The following PPP1R12B variants were observed in gnomAD, a reference collection of about 807,000 sequenced individuals.
The protein encoded by PPP1R12B is protein phosphatase 1 regulatory subunit 12B.
A neutral mutation model predicts 126.1 loss-of-function variants in PPP1R12B; 76 were observed. The ratio of observed to expected loss-of-function variants is 0.60; its 90% CI spans 0.50 to 0.73. PPP1R12B has a LOEUF of 0.73. PPP1R12B is among the 30% of genes least tolerant of loss of function. PPP1R12B has a pLI of 0.00. For synonymous variants in PPP1R12B, 356 were observed against 434.7 expected (o/e 0.82, Z 2.25); for missense variants, 1,052 against 1,205.1 (o/e 0.87, Z 1.88).
intron 1 of PPP1R12B, among the ~76,000 whole-genome samples, chr1:202,413,591 T>C (rs1571896436): frequency 6.6e-6 from 1 of 152,192 alleles, no homozygotes; most frequent in East Asian, 1.9e-4. Flanking sequence ...ACCAGGACTT[T>C]GTTTGTATTG....
chr1:202,381,406 G>GTT (rs796804138), intron 1 of PPP1R12B, among the ~76,000 whole-genome samples: 3 of 136,478 alleles, frequency 2.2e-5, no homozygotes, highest in Non-Finnish European at 3.2e-5. Context: ...GGGTGTGTGT[G>GTT]TGTGTGTGTG....
chr1:202,566,167 A>C (rs1234083204), intron 21 of PPP1R12B, among the ~76,000 whole-genome samples: 2 of 152,216 alleles, frequency 1.3e-5, no homozygotes, highest in Admixed American at 6.5e-5. Flanking sequence ...CAGCATTTCC[A>C]CCAGCCCATG....
intron 6 of PPP1R12B, 23 bp from the exon 7 acceptor site, chr1:202,430,708 C>T: frequency 6.2e-7 from 1 of 1,610,534 alleles, no homozygotes; most frequent in Non-Finnish European, 8.5e-7. Flanking sequence ...CTTCCCTTTT[C>T]TCTCTGTTTT....
At chr1:202,452,833 T>TC (rs1491368482) in intron 13 of PPP1R12B, among the ~76,000 whole-genome samples, 32 of 144,532 alleles carry the variant, frequency 2.2e-4, no homozygotes, top group Non-Finnish European at 4.6e-4. Context: ...TCTCTCTCTC[T>TC]TTTTTTTTTT....
intron 13 of PPP1R12B, among the ~76,000 whole-genome samples, chr1:202,453,869 GA>G (rs1383129724): frequency 1.3e-5 from 2 of 151,886 alleles, no homozygotes; most frequent in East Asian, 3.9e-4. Flanking sequence ...ACAGGTTTCA[GA>G]GCCAATAACT....
intron 18 of PPP1R12B, among the ~76,000 whole-genome samples, chr1:202,533,836 A>AT (rs1290938001): frequency 6.6e-6 from 1 of 152,160 alleles, no homozygotes; most frequent in African/African-American, 2.4e-5. Context: ...AGGTTTCTCC[A>AT]TGGTAAAGTT....
At chr1:202,358,409 G>T (rs772067509) in intron 1 of PPP1R12B, among the ~76,000 whole-genome samples, 1 of 152,128 alleles carries the variant, frequency 6.6e-6, no homozygotes, top group African/African-American at 2.4e-5. Flanking sequence ...TTGCCCAGGC[G>T]CGGTGGCTCA....
At chr1:202,379,091 T>C (rs551054384) in intron 1 of PPP1R12B, among the ~76,000 whole-genome samples, 1 of 152,182 alleles carries the variant, frequency 6.6e-6, no homozygotes, top group South Asian at 2.1e-4. Flanking sequence ...AGACTTGACT[T>C]TTTTCCTGGA....
chr1:202,529,339 T>TG (rs1431791006), intron 18 of PPP1R12B, among the ~76,000 whole-genome samples: 1 of 151,614 alleles, frequency 6.6e-6, no homozygotes, highest in East Asian at 1.9e-4. Context: ...ATGTTAAGTT[T>TG]GGGAGTATTT....
intron 13 of PPP1R12B, among the ~76,000 whole-genome samples, chr1:202,482,551 G>A (rs1465806914): frequency 5.3e-5 from 8 of 152,110 alleles, no homozygotes; most frequent in Non-Finnish European, 2.9e-5. Flanking sequence ...AGAAGTAAAT[G>A]TCTGTTAAGG....
intron 13 of PPP1R12B, among the ~76,000 whole-genome samples, chr1:202,484,591 T>G (rs1255014412): frequency 6.6e-6 from 1 of 152,248 alleles, no homozygotes; most frequent in Non-Finnish European, 1.5e-5. Context: ...TTTTATACTT[T>G]TACATCTTTT....
chr1:202,446,319 T>G (rs1181466905), intron 12 of PPP1R12B, among the ~76,000 whole-genome samples: 3 of 141,844 alleles, frequency 2.1e-5, no homozygotes, highest in African/African-American at 7.8e-5. Context: ...AGTGGTGCAG[T>G]CTTGGCTGAC....
rs1346220934 is a variant in PPP1R12B, at chr1:202,589,908, A to G, written c.*9348A>G. The G allele has an allele frequency of 6.6e-6, 1 of 152,208 alleles. No homozygotes were observed. Among genetic ancestry groups the G allele is most frequent in the Admixed American group, 6.5e-5 (1 of 15,284 alleles). The allele number at this position is 152,208 out of a possible 1,614,324, so 9.4% of individuals were successfully genotyped here. A position where few individuals can be genotyped will look rare whatever the true frequency, so the allele number is the denominator to read the frequency against. ...ATCTAGCCAACGGTGTTCCTGGAGG[A>G]CAGGTGCTGGTGTAAACTGACAAAA... On this transcript the variant is annotated 3_prime_UTR_variant, in exon 24 of 24. Transcript: ENST00000608999.
rs562296598 is a variant in PPP1R12B, at chr1:202,562,588, A to G, written c.2508-190A>G. 1.1e-4 allele frequency: 85 copies of G among 768,960 alleles called. 1 individual carries two copies. The East Asian group carries it at 2.1e-3, about 19-fold the overall frequency. The allele number at this position is 768,960 out of a possible 1,614,324, so 47.6% of individuals were successfully genotyped here. On this transcript the variant is annotated intron_variant, in intron 19 of 23. Transcript: ENST00000608999. ...AAATGATGGTCAGCCTCCCTCTCCA[A>G]GCTCGTGCAGTTTAGCCCTGAGGTC...
intron 23 of PPP1R12B, chr1:202,576,756 T>C (rs1689129296): frequency 6.6e-6 from 1 of 152,192 alleles, no homozygotes; most frequent in African/African-American, 2.4e-5. Context: ...TTGTCATTTA[T>C]TTAAGGCCTG....
chr1:202,485,405 A>T (rs537019952), intron 13 of PPP1R12B, among the ~76,000 whole-genome samples: 179 of 111,548 alleles, frequency 1.6e-3, no homozygotes, highest in African/African-American at 4.5e-3. Context: ...GCAGCTTAGG[A>T]TGTGAGGGTG....
At chr1:202,456,731 C>G (rs12564140) in intron 13 of PPP1R12B, among the ~76,000 whole-genome samples, 1 of 152,134 alleles carries the variant, frequency 6.6e-6, no homozygotes, top group Non-Finnish European at 1.5e-5. Context: ...TTTCACTATT[C>G]GTATAGTTTA....
At chr1:202,541,137 A>G (rs1211740151) in intron 18 of PPP1R12B, among the ~76,000 whole-genome samples, 1 of 152,178 alleles carries the variant, frequency 6.6e-6, no homozygotes, top group Non-Finnish European at 1.5e-5. Context: ...GCTTTGCTGT[A>G]TATACAGAGT....
At position 202,581,077 on chromosome 1, in the gene PPP1R12B, G is replaced by A. The variant is rs1689524045; in HGVS notation, c.*517G>A. 6.4e-6 allele frequency: 1 copy of A among 155,082 alleles called. No homozygotes were observed. The highest frequency in any genetic ancestry group is 2.0e-4 in the South Asian group (1 of 5,004). 9.6% of individuals were successfully genotyped at this position (155,082 alleles called of 1,614,324 possible). ...CCCTCTGGAATGGTTAGCATCCAAG[G>A]TGACAGTGACTGCATTGAGGCGCTC... On this transcript the variant is annotated 3_prime_UTR_variant, in exon 24 of 24. Transcript: ENST00000608999.
Sources: allele counts gnomAD v4.1 joint callset (sites outside exome capture counted in the v4.1 genomes callset), GRCh38; gene constraint gnomAD v4.1.1; transcripts MANE v1.5; gene names NCBI Gene and HGNC (gene_info 2026-07-23, HGNC 2026-07-21).